Variants in PDE10A observed in about 807,000 individuals in gnomAD.
PDE10A encodes cAMP and cAMP-inhibited cGMP 3',5'-cyclic phosphodiesterase 10A.
In PDE10A, 39 loss-of-function variants were observed where a neutral mutation model predicts 97.7. That is an observed-to-expected ratio of 0.40 (90% CI 0.31 to 0.52). The LOEUF (loss-of-function observed/expected upper bound fraction) is 0.52, where lower values mean the gene tolerates loss of function less well. PDE10A is among the 20% of genes least tolerant of loss of function. PDE10A has a pLI of 0.56. For synonymous variants in PDE10A, 371 were observed against 376.8 expected, an observed-to-expected ratio of 0.98 and a Z score of 0.18; for missense variants, 731 against 1,047.8, an observed-to-expected ratio of 0.70 and a Z score of 4.17.
intron 1 of PDE10A, among the ~76,000 whole-genome samples, chr6:165,812,793 G>T (rs111427717): frequency 0.028 from 4,308 of 152,132 alleles, 83 homozygotes; most frequent in Non-Finnish European, 0.042. Context: ...TACAAAAACG[G>T]TAGGTACAAT....
chr6:165,857,737 G>A (rs371331026), intron 1 of PDE10A, among the ~76,000 whole-genome samples: 5,316 of 74,828 alleles, frequency 0.071, 134 homozygotes, highest in Middle Eastern at 0.18. Flanking sequence ...GTGTGTGTGT[G>A]AAGAATGATT....
chr6:165,786,429 A>G (rs1306693320), intron 1 of PDE10A, among the ~76,000 whole-genome samples: 3 of 152,258 alleles, frequency 2.0e-5, no homozygotes, highest in Admixed American at 1.3e-4. Context: ...ACTCATTTTG[A>G]AGATAAAGTA....
At chr6:165,749,300 C>CATCACA (rs1792926538) in intron 1 of PDE10A, among the ~76,000 whole-genome samples, 1 of 70,432 alleles carries the variant, frequency 1.4e-5, no homozygotes, top group Non-Finnish European at 3.1e-5. Flanking sequence ...CCATCACCAT[C>CATCACA]ATCACCATCA....
chr6:165,694,536 G>A (rs1791392325), intron 1 of PDE10A, among the ~76,000 whole-genome samples: 1 of 152,126 alleles, frequency 6.6e-6, no homozygotes, highest in Admixed American at 6.5e-5. Flanking sequence ...AGCCACAGGT[G>A]GGGCAGGAGA....
chr6:165,546,596 A>G (rs2128325913), intron 1 of PDE10A, among the ~76,000 whole-genome samples: 1 of 152,236 alleles, frequency 6.6e-6, no homozygotes, highest in Non-Finnish European at 1.5e-5. Context: ...CTGTGAGACT[A>G]GACACAAAAT....
chr6:165,730,211 A>G (rs1792396226), intron 1 of PDE10A, among the ~76,000 whole-genome samples: 1 of 151,940 alleles, frequency 6.6e-6, no homozygotes. Context: ...GAAACATGGT[A>G]GGGAGTTCTG....
intron 18 of PDE10A, among the ~76,000 whole-genome samples, chr6:165,370,599 A>G (rs1784167631): frequency 6.7e-6 from 1 of 149,302 alleles, no homozygotes; most frequent in Non-Finnish European, 1.5e-5. Flanking sequence ...GTGACCTACA[A>G]AGAGACTTAG....
At position 165,691,193 on chromosome 6, in the gene PDE10A, CTCTCTCTCCCCACACACACA is replaced by C. The variant is rs1791282257; in HGVS notation, c.-614-147645_-614-147626del. ...TCTTTCTCTCTCTCTCTCTCCCTCTCTCTCTCTCCCCACACACACACACACACACACACACACACACACAC... is the reference window on the plus strand; with the variant it reads ...TCTTTCTCTCTCTCTCTCTCCCTCTCCACACACACACACACACACACACAC... On this transcript the variant is annotated intron_variant, in intron 1 of 19. Coordinates refer to the PDE10A transcript ENST00000366882. Among the ~76,000 whole-genome samples, 111 of 65,434 alleles carry C rather than the reference CTCTCTCTCCCCACACACACA, an allele frequency of 1.7e-3. 1 individual carries two copies. The East Asian group carries it at 0.026, about 15-fold the overall frequency. The allele number at this position is 65,434 out of a possible 152,430, so 42.9% of individuals were successfully genotyped here.
At chr6:165,648,891 T>C (rs9365899) in intron 1 of PDE10A, among the ~76,000 whole-genome samples, 48,244 of 152,038 alleles carry the variant, frequency 0.32, 7,775 homozygotes, top group Middle Eastern at 0.35. Flanking sequence ...CTGAAGGATT[T>C]AAGTGCTCCA....
At chr6:165,596,247 C>CA (rs1218749752) in intron 1 of PDE10A, among the ~76,000 whole-genome samples, 22 of 152,186 alleles carry the variant, frequency 1.4e-4, no homozygotes, top group Non-Finnish European at 2.9e-4. Context: ...AAAGTATCCG[C>CA]AATCCTTTCA....
At chr6:165,459,970 C>T (rs909174632) in intron 3 of PDE10A, among the ~76,000 whole-genome samples, 14 of 152,192 alleles carry the variant, frequency 9.2e-5, no homozygotes, top group African/African-American at 2.4e-4. Flanking sequence ...AAACAATGGG[C>T]TACTCAGTGT....
At chr6:165,597,395 T>C (rs1442305794) in intron 1 of PDE10A, among the ~76,000 whole-genome samples, 1 of 152,208 alleles carries the variant, frequency 6.6e-6, no homozygotes, top group Non-Finnish European at 1.5e-5. Context: ...CAAAAAGATA[T>C]CTCAATTCTC....
intron 1 of PDE10A, among the ~76,000 whole-genome samples, chr6:165,685,330 C>T (rs2128440424): frequency 6.6e-6 from 1 of 151,934 alleles, no homozygotes; most frequent in East Asian, 1.9e-4. Flanking sequence ...AAAATGGTGG[C>T]TTGTGCAGAT....
chr6:165,677,277 C>A (rs1790825688), intron 1 of PDE10A, among the ~76,000 whole-genome samples: 1 of 152,234 alleles, frequency 6.6e-6, no homozygotes, highest in South Asian at 2.1e-4. Context: ...CAACAGCCTT[C>A]AGGCTCAAGC....
rs2128227789 is a variant in PDE10A at position 165,413,640 on chromosome 6, A to G, written c.1937T>C (p.Met646Thr). ...TGYTTRNILC[M>T]PIVSRGSVIG... ...CACGCTGCCTCGGCTGACGATGGGC[A>G]TGCACAGGATGTTCCGCGTGGTGTA... The change falls in exon 13 of 22, where the codon ATG becomes ACG. Residue 646 changes from methionine to threonine, a missense_variant. Met to Thr is a moderately conservative substitution (Grantham distance 81, BLOSUM62 -1). Coordinates refer to ENST00000539869, the MANE Select transcript of PDE10A (RefSeq NM_001385079.1). The G allele has an allele frequency of 6.2e-7, 1 of 1,614,190 alleles. No individual in the cohort carries two copies. The highest frequency in any genetic ancestry group is 8.5e-7 in the Non-Finnish European group (1 of 1,180,024).
intron 3 of PDE10A, among the ~76,000 whole-genome samples, chr6:165,477,291 T>C (rs912613856): frequency 6.9e-6 from 1 of 144,862 alleles, no homozygotes; most frequent in Admixed American, 7.1e-5. Context: ...TCCCTTAGGT[T>C]TTTCCTCAAA....
chr6:165,543,665 C>T (rs1783583485), intron 1 of PDE10A, 97 bp from the exon 2 acceptor site: 1 of 891,278 alleles, frequency 1.1e-6, no homozygotes, highest in Non-Finnish European at 1.6e-6. Context: ...GACCCAGCAA[C>T]CTCTCATCTA....
chr6:165,972,278 C>T (rs1784702127), intron 1 of PDE10A, among the ~76,000 whole-genome samples: 2 of 151,886 alleles, frequency 1.3e-5, no homozygotes, highest in South Asian at 2.1e-4. Flanking sequence ...AGTGAGAACT[C>T]GCGGTACCAG....
At chr6:165,412,227 A>C (rs1357591158) in intron 13 of PDE10A, among the ~76,000 whole-genome samples, 1 of 152,144 alleles carries the variant, frequency 6.6e-6, no homozygotes, top group Non-Finnish European at 1.5e-5. Context: ...AATATATTCA[A>C]CTTTTGTTGG....
Sources: allele counts gnomAD v4.1 joint callset (sites outside exome capture counted in the v4.1 genomes callset), GRCh38; gene constraint gnomAD v4.1.1; transcripts MANE v1.5; gene names NCBI Gene and HGNC (gene_info 2026-07-23, HGNC 2026-07-21).